The following RRM2B variants were observed in gnomAD, a reference collection of about 807,000 sequenced individuals.
RRM2B encodes the protein ribonucleotide reductase regulatory TP53 inducible subunit M2B.
A neutral mutation model predicts 45.9 loss-of-function variants in RRM2B; 20 were observed. That is an observed-to-expected ratio of 0.44 (90% CI 0.31 to 0.63). The LOEUF is 0.63. Ranked by LOEUF, RRM2B falls within the 30% of genes least tolerant of loss-of-function variation. The pLI is 0.09. For synonymous variants in RRM2B, 124 were observed against 132.3 expected (o/e 0.94, Z 0.43); for missense variants, 320 against 414.7 (o/e 0.77, Z 1.98).
At chr8:102,217,377 A>T (rs1383982863) in intron 6 of RRM2B, among the ~76,000 whole-genome samples, 1 of 152,160 alleles carries the variant, frequency 6.6e-6, no homozygotes, top group Non-Finnish European at 1.5e-5. Flanking sequence ...AATTCTCTAT[A>T]ACAATCCTAT....
At chr8:102,216,822 T>C (rs920218847) in intron 6 of RRM2B, among the ~76,000 whole-genome samples, 1 of 152,116 alleles carries the variant, frequency 6.6e-6, no homozygotes, top group African/African-American at 2.4e-5. Flanking sequence ...ATTAACCCTA[T>C]CAAATTTGCC....
intron 6 of RRM2B, among the ~76,000 whole-genome samples, chr8:102,215,045 T>TAAA (rs3063793): frequency 2.5e-3 from 157 of 61,648 alleles, no homozygotes; most frequent in Non-Finnish European, 3.4e-3. Context: ...AGCTAAATAT[T>TAAA]AAAAAAAAAA....
intron 1 of RRM2B, among the ~76,000 whole-genome samples, chr8:102,236,217 G>T (rs144244810): frequency 8.5e-5 from 13 of 152,228 alleles, no homozygotes; most frequent in African/African-American, 3.1e-4. Context: ...AAACATCGGA[G>T]GTCTAGAAGG....
chr8:102,215,735 A>T (rs1810718705), intron 6 of RRM2B, among the ~76,000 whole-genome samples: 1 of 152,062 alleles, frequency 6.6e-6, no homozygotes, highest in Non-Finnish European at 1.5e-5. Flanking sequence ...ACTTGAACCC[A>T]GGAGTTCCAG....
intron 2 of RRM2B, among the ~76,000 whole-genome samples, chr8:102,228,196 G>A (rs575713254): frequency 1.8e-4 from 28 of 152,268 alleles, no homozygotes; most frequent in Non-Finnish European, 3.8e-4. Flanking sequence ...CAGAGACTAC[G>A]GTTGGATGTC....
At position 102,204,580 on chromosome 8, in the gene RRM2B, G is replaced by T. The variant is rs1310313655; in HGVS notation, c.*3553C>A. On this transcript the variant is annotated 3_prime_UTR_variant, in exon 9 of 9. Transcript: ENST00000251810. ...TCCTCAAAAAGGAAATGTACAAAAT[G>T]ATGAAGATACCATAGTTTATTTCAA... The T allele has an allele frequency of 6.6e-6, 1 of 151,804 alleles. No individual in the cohort carries two copies. Among genetic ancestry groups the T allele is most frequent in the Non-Finnish European group, 1.5e-5 (1 of 67,944 alleles). The allele number at this position is 151,804 out of a possible 1,614,324, so 9.4% of individuals were successfully genotyped here.
chr8:102,210,379 T>C (rs940115926), intron 8 of RRM2B, among the ~76,000 whole-genome samples: 2 of 152,054 alleles, frequency 1.3e-5, no homozygotes, highest in African/African-American at 4.8e-5. Flanking sequence ...CTGAAGACTT[T>C]TCAAAAAATT....
In RRM2B at chr8:102,212,951, TAGAA is replaced by T. The variant is rs29000276; in HGVS notation, c.790-66_790-63del. The T allele has an allele frequency of 5.6e-3, 4,795 of 858,408 alleles. 147 individuals are homozygous for T. The African/African-American group carries it at 0.069, about 12-fold the overall frequency. 53.2% of individuals were successfully genotyped at this position (858,408 alleles called of 1,614,324 possible). A position where few individuals can be genotyped will look rare whatever the true frequency, so the allele number is the denominator to read the frequency against. On this transcript the variant is annotated intron_variant, in intron 7 of 8. Transcript: ENST00000251810. ...AAACTATAAATATGTATTTTCCAAA[TAGAA>T]AGAGGACTTTCGTTTTATTTCTAAG...
At position 102,205,853 on chromosome 8, in the gene RRM2B, C is replaced by T. The variant is rs1045028065; in HGVS notation, c.*2280G>A. ...AAGAGATAGAATACCAAATAACAAA[C>T]CAGTGCATTAAAAATCCAGTATGTC... is the stretch of plus-strand genomic sequence containing the variant. On this transcript the variant is annotated 3_prime_UTR_variant, in exon 9 of 9. Transcript: ENST00000251810. The T allele has an allele frequency of 6.6e-6, 1 of 151,994 alleles. No individual in the cohort carries two copies. Among genetic ancestry groups the T allele is most frequent in the African/African-American group, 2.4e-5 (1 of 41,394 alleles). 9.4% of individuals were successfully genotyped at this position (151,994 alleles called of 1,614,324 possible). A position where few individuals can be genotyped will look rare whatever the true frequency, so the allele number is the denominator to read the frequency against.
intron 8 of RRM2B, among the ~76,000 whole-genome samples, chr8:102,210,772 T>C (rs1183923815): frequency 6.6e-6 from 1 of 151,938 alleles, no homozygotes; most frequent in Non-Finnish European, 1.5e-5. Context: ...CTTATTATTA[T>C]TTTTATTTGT....
At chr8:102,216,417 AAAATT>A (rs1251227754) in intron 6 of RRM2B, among the ~76,000 whole-genome samples, 4 of 152,164 alleles carry the variant, frequency 2.6e-5, no homozygotes, top group Admixed American at 2.6e-4. Flanking sequence ...TAAAAGAACA[AAAATT>A]AAAAAGCAAA....
chr8:102,231,840 G>A (rs576407276), intron 2 of RRM2B, among the ~76,000 whole-genome samples: 2 of 142,338 alleles, frequency 1.4e-5, no homozygotes, highest in South Asian at 4.4e-4. Flanking sequence ...CTGCACTCTA[G>A]CCTGGGTGAC....
chr8:102,238,429 A>C (rs913201971), intron 1 of RRM2B: 8 of 754,852 alleles, frequency 1.1e-5, no homozygotes, highest in Non-Finnish European at 1.5e-5. Context: ...CACCATCCCA[A>C]ATGGTATGCA....
chr8:102,238,669 C>A (rs1251411440), intron 1 of RRM2B, 158 bp downstream of exon 1: 3 of 1,540,596 alleles, frequency 1.9e-6, no homozygotes, highest in Non-Finnish European at 2.6e-6. Flanking sequence ...GGACGGCCTC[C>A]CCGGCGCTCG....
At chr8:102,238,614 G>C (rs1064796952) in intron 1 of RRM2B, 1 of 1,529,664 alleles carries the variant, frequency 6.5e-7, no homozygotes, top group Admixed American at 2.0e-5. Context: ...AGAGCAGCGA[G>C]CGGGACGCAA....
chr8:102,225,733 C>T (rs539050651), intron 3 of RRM2B, among the ~76,000 whole-genome samples, 185 bp downstream of exon 3: 6 of 152,274 alleles, frequency 3.9e-5, no homozygotes, highest in Admixed American at 3.9e-4. Flanking sequence ...ATCATTTATG[C>T]TTGATTTAAT....
At chr8:102,238,572 C>T in intron 1 of RRM2B, 1 of 1,523,472 alleles carries the variant, frequency 6.6e-7, no homozygotes, top group South Asian at 1.2e-5. Flanking sequence ...GGCCTGAGGC[C>T]TCCAAGCGTC....
chr8:102,218,913 T>C lies in RRM2B; in HGVS notation c.585A>G (p.Gly195=), dbSNP rs935501039. Residue 195 remains glycine (G), a synonymous_variant, in exon 6 of 9, where the codon GGA becomes GGG. Transcript: ENST00000251810. Reference sequence around the variant, plus strand: ...CAGCAAAAGATCCTGAGAAGAAAACTCCTTCTACAGCAGCAAAGGCCACCA... The same window carrying C: ...CAGCAAAAGATCCTGAGAAGAAAACCCCTTCTACAGCAGCAAAGGCCACCA... ...ERVVAFAAVE[G]VFFSGSFAAI... is the part of the protein sequence containing the mutation. 5.6e-6 allele frequency: 9 copies of C among 1,612,908 alleles called. No individual in the cohort carries two copies. Among genetic ancestry groups the C allele is most frequent in the Non-Finnish European group, 7.6e-6 (9 of 1,179,462 alleles).
chr8:102,208,986 C>A (rs1432993094), intron 8 of RRM2B, among the ~76,000 whole-genome samples: 1 of 152,080 alleles, frequency 6.6e-6, no homozygotes, highest in Non-Finnish European at 1.5e-5. Context: ...CCTGTCTCTA[C>A]TAAAAGTACA....
Sources: allele counts gnomAD v4.1 joint callset (sites outside exome capture counted in the v4.1 genomes callset), GRCh38; gene constraint gnomAD v4.1.1; transcripts MANE v1.5; gene names NCBI Gene and HGNC (gene_info 2026-07-23, HGNC 2026-07-21).